The following ZNF385B variants were observed in gnomAD, a reference collection of about 807,000 sequenced individuals.
The protein encoded by ZNF385B is zinc finger protein 533.
In ZNF385B, 23 loss-of-function variants were observed where a neutral mutation model predicts 39.2. The ratio of observed to expected loss-of-function variants is 0.59; its 90% CI spans 0.42 to 0.83. The LOEUF is 0.83. ZNF385B is among the 40% of genes least tolerant of loss of function. The pLI is 0.00. For missense variants in ZNF385B, 552 were observed against 598.9 expected, an observed-to-expected ratio of 0.92 and a Z score of 0.82; for synonymous variants, 205 against 222.6, an observed-to-expected ratio of 0.92 and a Z score of 0.70.
At chr2:179,515,372 T>C (rs1187240097) in intron 5 of ZNF385B, among the ~76,000 whole-genome samples, 1 of 152,192 alleles carries the variant, frequency 6.6e-6, no homozygotes, top group Non-Finnish European at 1.5e-5. Flanking sequence ...CTGAAATCTA[T>C]TATTTGCATT....
At chr2:179,537,722 C>T (rs1422534598) in intron 4 of ZNF385B, among the ~76,000 whole-genome samples, 1 of 147,872 alleles carries the variant, frequency 6.8e-6, no homozygotes, top group Admixed American at 6.8e-5. Context: ...GCCTAGGTGA[C>T]AGAGCAAGAC....
At chr2:179,679,726 C>T (rs1697343947) in intron 3 of ZNF385B, among the ~76,000 whole-genome samples, 1 of 152,082 alleles carries the variant, frequency 6.6e-6, no homozygotes, top group Non-Finnish European at 1.5e-5. Flanking sequence ...GGTGAATCAC[C>T]TCCCACCCCT....
chr2:179,767,077 G>T (rs956931586), intron 3 of ZNF385B, among the ~76,000 whole-genome samples: 4 of 152,130 alleles, frequency 2.6e-5, no homozygotes, highest in Admixed American at 1.3e-4. Context: ...AATCTTGCCA[G>T]GACTAACACA....
At chr2:179,455,420 C>G (rs1260974658) in intron 6 of ZNF385B, among the ~76,000 whole-genome samples, 4 of 151,978 alleles carry the variant, frequency 2.6e-5, no homozygotes, top group Non-Finnish European at 5.9e-5. Context: ...TGAGTGAGTT[C>G]TCATGAGATC....
intron 3 of ZNF385B, among the ~76,000 whole-genome samples, chr2:179,764,842 AT>A (rs1255575318): frequency 2.6e-5 from 4 of 152,194 alleles, no homozygotes; most frequent in African/African-American, 9.7e-5. Flanking sequence ...ATGTTCAGAT[AT>A]TTGGTTACAC....
intron 3 of ZNF385B, among the ~76,000 whole-genome samples, chr2:179,742,973 T>C (rs547157663): frequency 6.6e-6 from 1 of 152,194 alleles, no homozygotes; most frequent in Admixed American, 6.5e-5. Flanking sequence ...GAGAAATTGC[T>C]ACTAAGACTT....
intron 3 of ZNF385B, among the ~76,000 whole-genome samples, chr2:179,631,928 A>C (rs986268115): frequency 6.6e-6 from 1 of 152,204 alleles, no homozygotes; most frequent in Non-Finnish European, 1.5e-5. Context: ...AAACCAACAA[A>C]GATCAAAAGA....
chr2:179,755,620 A>G (rs953717720), intron 3 of ZNF385B, among the ~76,000 whole-genome samples: 36 of 152,132 alleles, frequency 2.4e-4, no homozygotes, highest in Non-Finnish European at 1.3e-4. Context: ...GTGCTCCTGT[A>G]TTGGGTGCAT....
Position 179,456,399 on chromosome 2 carries a change from A to G in ZNF385B, c.716-9629T>C, listed in dbSNP as rs370759466. On this transcript the variant is annotated intron_variant, in intron 6 of 9. Transcript: ENST00000410066. ...ACCTATCCAACAGACATAATATGGT[A>G]TCTCATTGTTAATTTGATTGGTATT... Among the ~76,000 whole-genome samples the G allele has an allele frequency of 6.6e-5, 10 of 152,190 alleles. No individual in the cohort carries two copies. The East Asian group carries it at 1.7e-3, about 26-fold the overall frequency.
chr2:179,504,697 T>C (rs1345791420), intron 5 of ZNF385B, among the ~76,000 whole-genome samples: 1 of 151,690 alleles, frequency 6.6e-6, no homozygotes, highest in Non-Finnish European at 1.5e-5. Flanking sequence ...TTAGGAGATA[T>C]ACCTAATGTT....
intron 3 of ZNF385B, among the ~76,000 whole-genome samples, chr2:179,758,304 G>T (rs553982794): frequency 6.6e-6 from 1 of 152,246 alleles, no homozygotes; most frequent in South Asian, 2.1e-4. Flanking sequence ...CCAAGATCAA[G>T]GTATCAGCAG....
At chr2:179,516,522 A>G (rs1405408757) in intron 5 of ZNF385B, among the ~76,000 whole-genome samples, 1 of 152,098 alleles carries the variant, frequency 6.6e-6, no homozygotes, top group Non-Finnish European at 1.5e-5. Flanking sequence ...GTATTTCCTT[A>G]ATCGTTAAAC....
At chr2:179,800,364 A>T (rs1160488108) in intron 1 of ZNF385B, among the ~76,000 whole-genome samples, 1 of 152,060 alleles carries the variant, frequency 6.6e-6, no homozygotes, top group Non-Finnish European at 1.5e-5. Context: ...CCCTTTTTGG[A>T]CACTACAAAT....
intron 5 of ZNF385B, among the ~76,000 whole-genome samples, chr2:179,513,323 T>C (rs910314958): frequency 6.6e-6 from 1 of 152,244 alleles, no homozygotes; most frequent in African/African-American, 2.4e-5. Context: ...GTCACATTTG[T>C]GAATTTGCCA....
At chr2:179,484,933 G>C (rs987904882) in intron 5 of ZNF385B, among the ~76,000 whole-genome samples, 1 of 152,104 alleles carries the variant, frequency 6.6e-6, no homozygotes, top group African/African-American at 2.4e-5. Context: ...GGAACAGTGA[G>C]GGCTATAGCT....
At chr2:179,769,845 G>A in intron 2 of ZNF385B, 43 bp from the exon 3 acceptor site, 2 of 1,505,650 alleles carry the variant, frequency 1.3e-6, no homozygotes, top group Non-Finnish European at 1.8e-6. Flanking sequence ...AATGATATAT[G>A]CCTTATTTTC....
intron 3 of ZNF385B, among the ~76,000 whole-genome samples, chr2:179,704,894 C>T (rs1001829755): frequency 1.3e-5 from 2 of 152,126 alleles, no homozygotes; most frequent in Non-Finnish European, 2.9e-5. Flanking sequence ...GCCCACCAGA[C>T]AATCCTTGGT....
chr2:179,518,171 G>A (rs1299482487), intron 5 of ZNF385B, among the ~76,000 whole-genome samples: 1 of 152,170 alleles, frequency 6.6e-6, no homozygotes, highest in Non-Finnish European at 1.5e-5. Context: ...TGATTGCATA[G>A]ATAAATTCTT....
intron 3 of ZNF385B, among the ~76,000 whole-genome samples, chr2:179,591,309 A>G (rs945916369): frequency 3.3e-5 from 5 of 151,744 alleles, no homozygotes; most frequent in East Asian, 1.9e-4. Context: ...AGTAGTTCTT[A>G]GATTAAGGAA....
Sources: allele counts gnomAD v4.1 joint callset (sites outside exome capture counted in the v4.1 genomes callset), GRCh38; gene constraint gnomAD v4.1.1; transcripts MANE v1.5; gene names NCBI Gene and HGNC (gene_info 2026-07-23, HGNC 2026-07-21).